Variants in ARMH4 observed in about 807,000 individuals in gnomAD.
ARMH4 encodes armadillo like helical domain containing 4, also known as armadillo-like helical domain-containing protein 4.
ARMH4 carries 49 observed loss-of-function variants against 61.9 expected under a neutral mutation model. The ratio of observed to expected loss-of-function variants is 0.79; its 90% CI spans 0.63 to 1.00. The LOEUF is 1.00. Among genes scored for constraint, ARMH4 ranks in the 50% least tolerant of loss-of-function variants. The pLI, the probability that ARMH4 is intolerant of heterozygous loss-of-function variation, is 0.00. For synonymous variants in ARMH4, 368 were observed against 341.5 expected (o/e 1.08, Z -0.85); for missense variants, 934 against 930.0 (o/e 1.00, Z -0.06).
At chr14:58,032,080 C>T (rs1443904840) in intron 5 of ARMH4, among the ~76,000 whole-genome samples, 35 of 152,138 alleles carry the variant, frequency 2.3e-4, no homozygotes, top group Admixed American at 2.3e-3. Flanking sequence ...TTTTCTTCTC[C>T]CGGCTCACTC....
At chr14:58,040,677 C>T (rs113879533) in intron 5 of ARMH4, among the ~76,000 whole-genome samples, 7 of 152,056 alleles carry the variant, frequency 4.6e-5, no homozygotes, top group African/African-American at 9.7e-5. Flanking sequence ...TGGGTATATA[C>T]CCAGTAATGG....
chr14:58,023,701 T>C (rs946725972), intron 5 of ARMH4, among the ~76,000 whole-genome samples: 19 of 152,218 alleles, frequency 1.2e-4, no homozygotes, highest in African/African-American at 4.6e-4. Context: ...TGAATCATTA[T>C]CTATGGCAGT....
chr14:58,020,093 A>G (rs1427260688), intron 5 of ARMH4, among the ~76,000 whole-genome samples: 1 of 152,228 alleles, frequency 6.6e-6, no homozygotes, highest in African/African-American at 2.4e-5. Flanking sequence ...GGTAGATACT[A>G]TTATCCACTA....
rs558038298 is a variant in ARMH4 at position 58,143,617 on chromosome 14, C to T, written c.-56-4203G>A. On this transcript the variant is annotated intron_variant, in intron 1 of 7. Transcript: ENST00000267485. ...TAGGTGGGATTACAGGTGCTCACTA[C>T]CATGCCTGGCTAGTTTTTGTATTTT... Among the ~76,000 whole-genome samples the T allele has an allele frequency of 7.9e-5, 12 of 151,940 alleles. No homozygotes were observed. In the South Asian group the frequency reaches 2.5e-3, roughly 32 times the overall value.
At chr14:58,067,527 G>A (rs2141222808) in intron 5 of ARMH4, among the ~76,000 whole-genome samples, 1 of 152,310 alleles carries the variant, frequency 6.6e-6, no homozygotes, top group African/African-American at 2.4e-5. Flanking sequence ...AGCCAGCATA[G>A]CCTGGAAGGG....
intron 5 of ARMH4, among the ~76,000 whole-genome samples, chr14:58,088,987 G>T (rs1885470510): frequency 6.6e-6 from 1 of 152,034 alleles, no homozygotes; most frequent in African/African-American, 2.4e-5. Flanking sequence ...GTTTTATAGG[G>T]GTAGCATCCA....
rs535936500 is a variant in ARMH4, at chr14:58,049,238, CAAAAAAA to C, written c.2090-37095_2090-37089del. On this transcript the variant is annotated intron_variant, in intron 5 of 7. Coordinates refer to ENST00000267485, the MANE Select transcript of ARMH4 (RefSeq NM_001001872.4). ...GGGGCAACAGAGCAAGACTCCGTCC[CAAAAAAA>C]AAAAAAAAAGAAAAATCAAAGAAAA... Among the ~76,000 whole-genome samples the C allele has an allele frequency of 3.6e-4, 23 of 64,068 alleles. 1 individual carries two copies. The highest frequency in any genetic ancestry group is 3.3e-5 in the Non-Finnish European group (1 of 30,270). The allele number at this position is 64,068 out of a possible 152,430, so 42.0% of individuals were successfully genotyped here.
At chr14:58,126,067 T>C (rs57066261) in intron 4 of ARMH4, among the ~76,000 whole-genome samples, 25,845 of 152,182 alleles carry the variant, frequency 0.17, 3,822 homozygotes, top group African/African-American at 0.41. Flanking sequence ...GCATTCGAGC[T>C]GGCAACAGCT....
At chr14:58,058,241 C>A (rs2141210060) in intron 5 of ARMH4, among the ~76,000 whole-genome samples, 1 of 152,100 alleles carries the variant, frequency 6.6e-6, no homozygotes, top group Non-Finnish European at 1.5e-5. Context: ...ATTTATAATA[C>A]CTAACGTAAC....
intron 5 of ARMH4, among the ~76,000 whole-genome samples, chr14:58,052,415 T>G (rs1001526691): frequency 2.0e-5 from 3 of 151,872 alleles, no homozygotes; most frequent in African/African-American, 7.3e-5. Context: ...GCGGGTTTCA[T>G]GGGAACATTC....
At chr14:58,078,392 T>C (rs1348879473) in intron 5 of ARMH4, among the ~76,000 whole-genome samples, 1 of 152,226 alleles carries the variant, frequency 6.6e-6, no homozygotes, top group Non-Finnish European at 1.5e-5. Flanking sequence ...ACCTGTACAA[T>C]CATGTACTGT....
At chr14:58,031,301 A>G (rs770172381) in intron 5 of ARMH4, among the ~76,000 whole-genome samples, 5 of 152,190 alleles carry the variant, frequency 3.3e-5, no homozygotes, top group Non-Finnish European at 7.3e-5. Flanking sequence ...AGTTGCCTAT[A>G]TGGCTGTGAA....
chr14:58,121,081 C>T (rs1274592951), intron 4 of ARMH4, among the ~76,000 whole-genome samples: 2 of 152,128 alleles, frequency 1.3e-5, no homozygotes, highest in African/African-American at 2.4e-5. Context: ...AGAGTTTAGT[C>T]CTCACTTATA....
chr14:58,094,058 G>A (rs1885664191), intron 5 of ARMH4, among the ~76,000 whole-genome samples: 3 of 152,238 alleles, frequency 2.0e-5, no homozygotes, highest in Middle Eastern at 3.4e-3. Context: ...GGCTGGGCAC[G>A]GTGGGTCATG....
At chr14:58,128,895 G>C (rs1886990766) in intron 4 of ARMH4, among the ~76,000 whole-genome samples, 1 of 152,142 alleles carries the variant, frequency 6.6e-6, no homozygotes, top group African/African-American at 2.4e-5. Flanking sequence ...AGGTCATTAG[G>C]ATGGGCCCTA....
intron 5 of ARMH4, among the ~76,000 whole-genome samples, chr14:58,088,235 T>C (rs1885442273): frequency 6.6e-6 from 1 of 152,174 alleles, no homozygotes; most frequent in Non-Finnish European, 1.5e-5. Context: ...ACCACAAGCA[T>C]ATAGATATTC....
At chr14:58,073,233 T>C (rs991728680) in intron 5 of ARMH4, among the ~76,000 whole-genome samples, 4 of 152,066 alleles carry the variant, frequency 2.6e-5, no homozygotes, top group African/African-American at 7.2e-5. Context: ...AAGCCTAGAG[T>C]AGTATAAGGA....
At chr14:58,028,852 T>C (rs930031027) in intron 5 of ARMH4, among the ~76,000 whole-genome samples, 1 of 152,360 alleles carries the variant, frequency 6.6e-6, no homozygotes, top group South Asian at 2.1e-4. Context: ...CAGTCCACCA[T>C]GCTGCTGGAA....
intron 5 of ARMH4, among the ~76,000 whole-genome samples, chr14:58,071,666 A>G (rs996806629): frequency 5.3e-5 from 8 of 152,186 alleles, no homozygotes; most frequent in African/African-American, 1.7e-4. Context: ...TATCTTTCAT[A>G]TATCATATGC....
Sources: gnomAD v4.1 joint callset for allele counts (sites outside exome capture counted in the v4.1 genomes callset) on GRCh38, gnomAD v4.1.1 for gene constraint, MANE v1.5 for transcripts, NCBI Gene and HGNC (gene_info 2026-07-23, HGNC 2026-07-21) for gene names.